GRID1: variants seen among roughly 807,000 people sequenced by gnomAD.
GRID1 encodes the protein glutamate receptor ionotropic, delta-1.
GRID1 carries 28 observed loss-of-function variants against 98.0 expected under a neutral mutation model. The observed-to-expected ratio is 0.29, with a 90% CI of 0.21 to 0.39. The LOEUF (loss-of-function observed/expected upper bound fraction) is 0.39, where lower values mean the gene tolerates loss of function less well. Ranked by LOEUF, GRID1 falls within the 10% of genes least tolerant of loss-of-function variation. GRID1 has a pLI of 1.00. For missense variants in GRID1, 1,111 were observed against 1,340.5 expected (o/e 0.83, Z 2.67); for synonymous variants, 553 against 538.5 (o/e 1.03, Z -0.37).
In GRID1 at chr10:85,877,201, A is replaced by G. The variant is rs556772356; in HGVS notation, c.781-8021T>C. Among the ~76,000 whole-genome samples the G allele has an allele frequency of 2.6e-5, 4 of 152,356 alleles. No homozygotes were observed. In the East Asian group the frequency reaches 7.7e-4, roughly 29 times the overall value. On this transcript the variant is annotated intron_variant, in intron 5 of 15. Transcript: ENST00000327946. Reference sequence around the variant, plus strand: ...GCAGGGCACAGACAAACAAAAACACAGCAGTAACCTCTGCAAACTTAAATG... The same window carrying G: ...GCAGGGCACAGACAAACAAAAACACGGCAGTAACCTCTGCAAACTTAAATG...
At chr10:86,335,547 G>T (rs1848210205) in intron 2 of GRID1, among the ~76,000 whole-genome samples, 1 of 152,208 alleles carries the variant, frequency 6.6e-6, no homozygotes. Context: ...GCAATATTCA[G>T]TAAAATCAGT....
intron 3 of GRID1, among the ~76,000 whole-genome samples, chr10:86,205,902 G>A (rs775084674): frequency 2.6e-5 from 4 of 151,936 alleles, no homozygotes; most frequent in South Asian, 2.1e-4. Flanking sequence ...AGGGCATTCC[G>A]TCCCCTGACC....
intron 2 of GRID1, among the ~76,000 whole-genome samples, chr10:86,313,636 C>T (rs1247514534): frequency 3.9e-5 from 6 of 152,162 alleles, no homozygotes; most frequent in African/African-American, 1.2e-4. Context: ...TAATGACGTC[C>T]GGGAACTTGC....
At chr10:86,212,263 TC>T (rs1251022669) in intron 2 of GRID1, among the ~76,000 whole-genome samples, 1 of 152,164 alleles carries the variant, frequency 6.6e-6, no homozygotes, top group Non-Finnish European at 1.5e-5. Context: ...GAGGCATCGC[TC>T]CGCAGGCTTG....
chr10:86,127,568 C>T (rs984747845), intron 4 of GRID1, among the ~76,000 whole-genome samples: 2 of 152,214 alleles, frequency 1.3e-5, no homozygotes, highest in Non-Finnish European at 2.9e-5. Flanking sequence ...CCTCTTCTCC[C>T]GCTCTCTCTT....
intron 11 of GRID1, 36 bp downstream of exon 11, chr10:85,724,316 T>C: frequency 6.5e-7 from 1 of 1,545,086 alleles, no homozygotes; most frequent in Non-Finnish European, 8.9e-7. Flanking sequence ...TCCAGGCCCC[T>C]AGAGCTATTC....
intron 8 of GRID1, among the ~76,000 whole-genome samples, chr10:85,784,631 C>A (rs1415267988): frequency 3.3e-5 from 5 of 152,198 alleles, no homozygotes; most frequent in Admixed American, 2.6e-4. Context: ...GGACTGCAGA[C>A]AACCGTGAGC....
At chr10:86,287,073 A>C (rs1847441732) in intron 2 of GRID1, among the ~76,000 whole-genome samples, 1 of 152,184 alleles carries the variant, frequency 6.6e-6, no homozygotes, top group South Asian at 2.1e-4. Flanking sequence ...CAGGACCCTA[A>C]AGGCTGAGAA....
rs1842569473 is a variant in GRID1, at chr10:85,983,376, GT to G, written c.727-67138del. On this transcript the variant is annotated intron_variant, in intron 4 of 15. Coordinates refer to ENST00000327946, the MANE Select transcript of GRID1 (RefSeq NM_017551.3). ...TTTATCTGGTGAGATTATGCTACGTGTCCACTGCCCACTGCACGGGACCCCA... is the reference window on the plus strand; with the variant it reads ...TTTATCTGGTGAGATTATGCTACGTGCCACTGCCCACTGCACGGGACCCCA... Among the ~76,000 whole-genome samples the G allele has an allele frequency of 2.0e-5, 3 of 152,204 alleles. No homozygotes were observed. The South Asian group carries it at 6.2e-4, about 32-fold the overall frequency.
At chr10:85,927,161 C>G (rs1841785425) in intron 4 of GRID1, among the ~76,000 whole-genome samples, 2 of 152,328 alleles carry the variant, frequency 1.3e-5, no homozygotes, top group South Asian at 4.1e-4. Flanking sequence ...GAGAAGCCCT[C>G]TAGACCATGC....
At chr10:86,275,382 A>G (rs1439334032) in intron 2 of GRID1, among the ~76,000 whole-genome samples, 2 of 152,280 alleles carry the variant, frequency 1.3e-5, no homozygotes, top group South Asian at 2.1e-4. Context: ...ACAAGAAAAC[A>G]TGGCCCATTC....
intron 4 of GRID1, among the ~76,000 whole-genome samples, chr10:85,937,212 T>C (rs986793022): frequency 6.6e-6 from 1 of 152,210 alleles, no homozygotes; most frequent in Admixed American, 6.5e-5. Context: ...CAAGCATTAG[T>C]ACTTCTAAAG....
At chr10:86,019,045 A>G (rs558546366) in intron 4 of GRID1, among the ~76,000 whole-genome samples, 1 of 152,348 alleles carries the variant, frequency 6.6e-6, no homozygotes, top group Admixed American at 6.5e-5. Flanking sequence ...CTTACAACCC[A>G]GGACCCAGTG....
intron 2 of GRID1, among the ~76,000 whole-genome samples, chr10:86,274,294 TG>T (rs928334776): frequency 7.9e-5 from 12 of 152,384 alleles, no homozygotes; most frequent in African/African-American, 2.9e-4. Context: ...ACCAGTACCA[TG>T]CTGTTTTGGT....
chr10:86,320,673 G>T (rs933822944), intron 2 of GRID1, among the ~76,000 whole-genome samples: 1 of 152,092 alleles, frequency 6.6e-6, no homozygotes, highest in African/African-American at 2.4e-5. Context: ...TGGCTAAAAT[G>T]GTAAATGTTA....
In GRID1 at chr10:86,025,509, T is replaced by C. The variant is rs988525668; in HGVS notation, c.727-109270A>G. The stretch of plus-strand genomic sequence containing the variant: ...AGTCACAATCAAGGGGTTCCACCAA[T>C]TGGGAGCACATTCTATGTACCACGT... On this transcript the variant is annotated intron_variant, in intron 4 of 15. Transcript: ENST00000327946. 3.3e-5 allele frequency among the ~76,000 whole-genome samples: 5 copies of C among 152,310 alleles called. No individual in the cohort carries two copies. The East Asian group carries it at 9.7e-4, about 29-fold the overall frequency.
At chr10:86,074,856 G>A (rs1843858219) in intron 4 of GRID1, among the ~76,000 whole-genome samples, 1 of 152,176 alleles carries the variant, frequency 6.6e-6, no homozygotes, top group Admixed American at 6.5e-5. Context: ...ATGAATGATG[G>A]GATGAGTGTC....
chr10:85,622,946 A>T (rs1398354085), intron 13 of GRID1, among the ~76,000 whole-genome samples: 1 of 152,206 alleles, frequency 6.6e-6, no homozygotes, highest in African/African-American at 2.4e-5. Context: ...ATCCAGCACA[A>T]GTACATGCCT....
chr10:85,846,048 G>A (rs1485277407), intron 8 of GRID1, among the ~76,000 whole-genome samples: 2 of 152,030 alleles, frequency 1.3e-5, no homozygotes, highest in Non-Finnish European at 2.9e-5. Flanking sequence ...GTATGTACAT[G>A]TTCACTTTTG....
Sources: gnomAD v4.1 joint callset for allele counts (sites outside exome capture counted in the v4.1 genomes callset) on GRCh38, gnomAD v4.1.1 for gene constraint, MANE v1.5 for transcripts, NCBI Gene and HGNC (gene_info 2026-07-23, HGNC 2026-07-21) for gene names.